MKLN1: variants seen among roughly 807,000 people sequenced by gnomAD.
The protein encoded by MKLN1 is muskelin 1, also known as muskelin.
A neutral mutation model predicts 99.0 loss-of-function variants in MKLN1; 18 were observed. The observed-to-expected ratio is 0.18, with a 90% confidence interval of 0.13 to 0.27. The LOEUF is 0.27. Ranked by LOEUF, MKLN1 falls within the 10% of genes least tolerant of loss-of-function variation. MKLN1 has a pLI of 1.00. For synonymous variants in MKLN1, 288 were observed against 293.2 expected (o/e 0.98, Z 0.18); for missense variants, 621 against 875.9 (o/e 0.71, Z 3.67).
At chr7:131,120,367 A>G (rs1253420329) in intron 1 of MKLN1, among the ~76,000 whole-genome samples, 2 of 149,372 alleles carry the variant, frequency 1.3e-5, no homozygotes, top group Non-Finnish European at 3.0e-5. Context: ...TCTACTAAAA[A>G]TACAAAAAAA....
chr7:131,165,274 C>T (rs368737387), intron 2 of MKLN1, among the ~76,000 whole-genome samples: 6 of 152,262 alleles, frequency 3.9e-5, no homozygotes, highest in African/African-American at 1.4e-4. Flanking sequence ...CAACCTCTGC[C>T]TCCCAGGTTC....
At chr7:131,343,315 C>T (rs1799463534) in intron 1 of MKLN1, among the ~76,000 whole-genome samples, 1 of 152,178 alleles carries the variant, frequency 6.6e-6, no homozygotes, top group African/African-American at 2.4e-5. Flanking sequence ...TTATACAAGA[C>T]ACTTAATGGG....
intron 3 of MKLN1, among the ~76,000 whole-genome samples, chr7:131,304,563 C>A (rs1798427021): frequency 6.6e-6 from 1 of 152,120 alleles, no homozygotes; most frequent in Non-Finnish European, 1.5e-5. Context: ...TTATTTACAG[C>A]AGAGCTTGCC....
At chr7:131,166,322 G>A (rs1478292377) in intron 2 of MKLN1, among the ~76,000 whole-genome samples, 3 of 152,148 alleles carry the variant, frequency 2.0e-5, no homozygotes, top group Admixed American at 6.5e-5. Context: ...TTGATTTCGA[G>A]CACATTTAGC....
intron 12 of MKLN1, among the ~76,000 whole-genome samples, chr7:131,454,726 A>C (rs943081308): frequency 6.6e-6 from 1 of 152,358 alleles, no homozygotes; most frequent in Admixed American, 6.5e-5. Flanking sequence ...ATTCTGGCCA[A>C]TGAGACATAA....
At chr7:131,245,585 C>T (rs1379691355) in intron 3 of MKLN1, among the ~76,000 whole-genome samples, 1 of 152,110 alleles carries the variant, frequency 6.6e-6, no homozygotes, top group Non-Finnish European at 1.5e-5. Context: ...CGGCCCTATA[C>T]TGTCTTTTTA....
rs112339038 is a variant in MKLN1 at position 131,300,363 on chromosome 7, A to C, written c.-178-75061A>C. 4.2e-3 allele frequency among the ~76,000 whole-genome samples: 642 copies of C among 152,054 alleles called. 1 individual carries two copies. The highest frequency in any genetic ancestry group is 6.9e-3 in the Middle Eastern group (2 of 290). ...AGAGACAAGTTTGGAGGGTGGGAAA[A>C]AAAAGCATTTGTGTTTGTTTTTAAG... On this transcript the variant is annotated intron_variant, in intron 3 of 7. Coordinates refer to the MKLN1 transcript ENST00000416992.
At chr7:131,477,197 A>G (rs1422716240) in intron 16 of MKLN1, among the ~76,000 whole-genome samples, 1 of 152,152 alleles carries the variant, frequency 6.6e-6, no homozygotes, top group African/African-American at 2.4e-5. Context: ...GAAGAAAAAT[A>G]TGGATAAATT....
chr7:131,294,553 C>T (rs1283511130), intron 3 of MKLN1, among the ~76,000 whole-genome samples: 9 of 152,158 alleles, frequency 5.9e-5, no homozygotes, highest in Non-Finnish European at 1.2e-4. Flanking sequence ...AAGGAGGAGG[C>T]TTGTTTTAAA....
chr7:131,123,093 A>T (rs1243368172), intron 1 of MKLN1, among the ~76,000 whole-genome samples: 1 of 151,066 alleles, frequency 6.6e-6, no homozygotes, highest in Non-Finnish European at 1.5e-5. Context: ...TCAAAGAAGG[A>T]CATGTTTGAC....
In MKLN1 at chr7:131,353,769, T is replaced by G. The variant is rs1359733016; in HGVS notation, c.99-21655T>G. On this transcript the variant is annotated intron_variant, in intron 1 of 17. Coordinates refer to ENST00000352689, the MANE Select transcript of MKLN1 (RefSeq NM_013255.5). ...GTTTTATATTTTACATTTTCATTCATGATTCATTAATTTTTTTAATGAAGT... is the reference window on the plus strand; with the variant it reads ...GTTTTATATTTTACATTTTCATTCAGGATTCATTAATTTTTTTAATGAAGT... Among the ~76,000 whole-genome samples, 3 of 152,004 alleles carry G rather than the reference T, an allele frequency of 2.0e-5. No individual in the cohort carries two copies. In the East Asian group the frequency reaches 5.8e-4, roughly 29 times the overall value.
At chr7:131,387,059 A>T in intron 2 of MKLN1, 61 bp from the exon 3 acceptor site, 2 of 1,455,094 alleles carry the variant, frequency 1.4e-6, no homozygotes, top group Non-Finnish European at 1.9e-6. Context: ...CAATAGTTTT[A>T]AAGTTGTCTA....
chr7:131,282,789 A>G (rs540442238), intron 3 of MKLN1, among the ~76,000 whole-genome samples: 4 of 152,318 alleles, frequency 2.6e-5, no homozygotes, highest in African/African-American at 9.6e-5. Flanking sequence ...TTAAATATAC[A>G]GATTCCAGAG....
chr7:131,337,714 G>C (rs1237674695), intron 1 of MKLN1, among the ~76,000 whole-genome samples: 1 of 150,458 alleles, frequency 6.6e-6, no homozygotes, highest in Non-Finnish European at 1.5e-5. Flanking sequence ...ATCTTGTTAG[G>C]CCAAATAATA....
At chr7:131,460,020 ATGTC>A (rs1796468924) in intron 12 of MKLN1, among the ~76,000 whole-genome samples, 1 of 152,044 alleles carries the variant, frequency 6.6e-6, no homozygotes, top group African/African-American at 2.4e-5. Context: ...GTTTCTAACT[ATGTC>A]TGTAGTTTCA....
At chr7:131,166,125 A>C (rs1796120111) in intron 2 of MKLN1, among the ~76,000 whole-genome samples, 1 of 151,820 alleles carries the variant, frequency 6.6e-6, no homozygotes, top group African/African-American at 2.4e-5. Flanking sequence ...GAAAATGATT[A>C]TGGTAGGCTT....
At position 131,487,826 on chromosome 7, in the gene MKLN1, G is replaced by A; in HGVS notation, c.*98G>A. 1 of 1,400,174 alleles carries A rather than the reference G, an allele frequency of 7.1e-7. No homozygotes were observed. The highest frequency in any genetic ancestry group is 9.7e-7 in the Non-Finnish European group (1 of 1,025,660). 86.7% of individuals were successfully genotyped at this position (1,400,174 alleles called of 1,614,324 possible). ...CTGACAGTAAAGCTGCAGTGATTGAGGACTGCACCAGAGTTCTGAAGGGAT... is the reference window on the plus strand; with the variant it reads ...CTGACAGTAAAGCTGCAGTGATTGAAGACTGCACCAGAGTTCTGAAGGGAT... On this transcript the variant is annotated 3_prime_UTR_variant, in exon 18 of 18. Coordinates refer to ENST00000352689, the MANE Select transcript of MKLN1 (RefSeq NM_013255.5). This position sits in a 1 kb window ranked among gnomAD's most constrained non-coding sequence, Gnocchi z 4.7.
chr7:131,121,667 A>C (rs1475111434), intron 1 of MKLN1, among the ~76,000 whole-genome samples: 1 of 145,418 alleles, frequency 6.9e-6, no homozygotes, highest in East Asian at 2.0e-4. Context: ...AAAAAAAAAA[A>C]ATTACCCAGC....
chr7:131,219,084 A>G (rs1471090464), intron 3 of MKLN1, among the ~76,000 whole-genome samples: 1 of 152,216 alleles, frequency 6.6e-6, no homozygotes, highest in African/African-American at 2.4e-5. Context: ...TTTAATGGGT[A>G]CAAAGCTTCA....
Sources: allele counts gnomAD v4.1 joint callset (sites outside exome capture counted in the v4.1 genomes callset), GRCh38; gene constraint gnomAD v4.1.1; non-coding constraint Gnocchi (gnomAD v3.1); transcripts MANE v1.5; gene names NCBI Gene and HGNC (gene_info 2026-07-23, HGNC 2026-07-21).